Variants in SH3GL2 observed in about 807,000 individuals in gnomAD.
SH3GL2 encodes endophilin-A1.
SH3GL2 carries 24 observed loss-of-function variants against 46.0 expected under a neutral mutation model. The ratio of observed to expected loss-of-function variants is 0.52; its 90% CI spans 0.38 to 0.73. SH3GL2 has a LOEUF of 0.73. SH3GL2 is among the 30% of genes least tolerant of loss of function. SH3GL2 has a pLI of 0.00. For missense variants in SH3GL2, 413 were observed against 424.2 expected (o/e 0.97, Z 0.23); for synonymous variants, 196 against 147.1 (o/e 1.33, Z -2.40).
intron 1 of SH3GL2, among the ~76,000 whole-genome samples, chr9:17,688,977 G>T (rs1048318856): frequency 6.6e-6 from 1 of 152,052 alleles, no homozygotes; most frequent in South Asian, 2.1e-4. Context: ...AGAATGGAGA[G>T]GGGGTGCAGT....
chr9:17,743,601 C>CACACACACACACA (rs1554645790), intron 1 of SH3GL2, among the ~76,000 whole-genome samples: 18 of 145,708 alleles, frequency 1.2e-4, no homozygotes, highest in South Asian at 6.4e-4. Flanking sequence ...CACACACACA[C>CACACACACACACA]CCCAAATAGT....
chr9:17,783,408 A>G (rs1362669973), intron 3 of SH3GL2, among the ~76,000 whole-genome samples: 1 of 151,470 alleles, frequency 6.6e-6, no homozygotes, highest in Non-Finnish European at 1.5e-5. Flanking sequence ...GCTGTAGGAC[A>G]GACCAGGCAG....
intron 1 of SH3GL2, among the ~76,000 whole-genome samples, chr9:17,619,415 C>T (rs1194418147): frequency 3.3e-5 from 5 of 152,182 alleles, no homozygotes; most frequent in East Asian, 3.9e-4. Context: ...TGGTGGCTCA[C>T]GCCTGTAATC....
chr9:17,727,113 G>A (rs530273928), intron 1 of SH3GL2, among the ~76,000 whole-genome samples: 12 of 152,272 alleles, frequency 7.9e-5, no homozygotes, highest in African/African-American at 2.6e-4. Context: ...ACTTACAGTG[G>A]AACACGATGC....
chr9:17,608,660 G>A (rs1818804818), intron 1 of SH3GL2, among the ~76,000 whole-genome samples: 2 of 152,140 alleles, frequency 1.3e-5, no homozygotes, highest in Admixed American at 1.3e-4. Flanking sequence ...TTTGAGAGTT[G>A]CAGATGCTTT....
chr9:17,660,196 G>C (rs930256030), intron 1 of SH3GL2, among the ~76,000 whole-genome samples: 1 of 151,212 alleles, frequency 6.6e-6, no homozygotes, highest in Non-Finnish European at 1.5e-5. Context: ...GGCCAGGGCT[G>C]TGTTAAATTT....
At chr9:17,618,459 A>G (rs913905199) in intron 1 of SH3GL2, among the ~76,000 whole-genome samples, 2 of 152,224 alleles carry the variant, frequency 1.3e-5, no homozygotes, top group South Asian at 2.1e-4. Flanking sequence ...ATTTGATAAT[A>G]GTAAACTCAT....
intron 3 of SH3GL2, among the ~76,000 whole-genome samples, chr9:17,783,769 G>A (rs114537324): frequency 6.6e-6 from 1 of 152,038 alleles, no homozygotes; most frequent in East Asian, 1.9e-4. Context: ...TTCCTTCTGG[G>A]AATCACCTAG....
At chr9:17,736,952 C>G (rs924893142) in intron 1 of SH3GL2, among the ~76,000 whole-genome samples, 3 of 152,134 alleles carry the variant, frequency 2.0e-5, no homozygotes, top group East Asian at 1.9e-4. Flanking sequence ...GGAACCAACC[C>G]AAATGCCCAT....
chr9:17,790,513 G>A (rs1429564243), intron 6 of SH3GL2: 2 of 540,354 alleles, frequency 3.7e-6, no homozygotes, highest in Non-Finnish European at 4.7e-6. Context: ...CTAACTCCTC[G>A]AGAGGAATAC....
intron 1 of SH3GL2, among the ~76,000 whole-genome samples, chr9:17,649,822 G>A (rs904765985): frequency 3.9e-5 from 6 of 152,106 alleles, no homozygotes; most frequent in East Asian, 1.9e-4. Flanking sequence ...GCAGATAAAC[G>A]TGTCAAACCA....
intron 3 of SH3GL2, among the ~76,000 whole-genome samples, chr9:17,775,391 T>G (rs1011023583): frequency 3.8e-4 from 58 of 152,208 alleles, no homozygotes; most frequent in Non-Finnish European, 7.5e-4. Flanking sequence ...CTAACATTTT[T>G]CTGTACTTCA....
In SH3GL2 at chr9:17,620,948, A is replaced by G. The variant is rs562717467; in HGVS notation, c.45+41661A>G. On this transcript the variant is annotated intron_variant, in intron 1 of 8. Transcript: ENST00000380607. Reference sequence around the variant, plus strand: ...TGAAGCTCACCAAATATACCCTGGTAGTTTAGTTATCAGAAAATGAGTTTT... The same window carrying G: ...TGAAGCTCACCAAATATACCCTGGTGGTTTAGTTATCAGAAAATGAGTTTT... Among the ~76,000 whole-genome samples, 6 of 152,332 alleles carry G rather than the reference A, an allele frequency of 3.9e-5. No individual in the cohort carries two copies. In the South Asian group the frequency reaches 1.2e-3, roughly 32 times the overall value.
In SH3GL2 at chr9:17,579,114, C is replaced by G. The variant is rs1281322171; in HGVS notation, c.-129C>G. 7 of 554,214 alleles carry G rather than the reference C, an allele frequency of 1.3e-5. No homozygotes were observed. Among genetic ancestry groups the G allele is most frequent in the African/African-American group, 4.1e-5 (2 of 49,342 alleles). The allele number at this position is 554,214 out of a possible 1,614,324, so 34.3% of individuals were successfully genotyped here. On this transcript the variant is annotated 5_prime_UTR_variant, in exon 1 of 9. Transcript: ENST00000380607. Reference sequence around the variant, plus strand: ...CCCGTGTCCCGCTAGGCTCCGCGCCCTCGCGCCCATAGCCCCGGCGGCGGC... The same window carrying G: ...CCCGTGTCCCGCTAGGCTCCGCGCCGTCGCGCCCATAGCCCCGGCGGCGGC...
At chr9:17,710,997 GTC>G (rs1209412763) in intron 1 of SH3GL2, among the ~76,000 whole-genome samples, 1 of 151,924 alleles carries the variant, frequency 6.6e-6, no homozygotes, top group African/African-American at 2.4e-5. Flanking sequence ...TTCATTCTCT[GTC>G]TCTCGCTCTC....
At chr9:17,708,042 C>T (rs3808695) in intron 1 of SH3GL2, among the ~76,000 whole-genome samples, 3,815 of 152,092 alleles carry the variant, frequency 0.025, 120 homozygotes, top group East Asian at 0.1. Context: ...TTCAGCAAGT[C>T]CTTATCTCTC....
At chr9:17,766,780 G>C (rs899884777) in intron 3 of SH3GL2, among the ~76,000 whole-genome samples, 3 of 151,972 alleles carry the variant, frequency 2.0e-5, no homozygotes, top group Non-Finnish European at 2.9e-5. Context: ...GTGGCCAGTG[G>C]TGCCCGTAAT....
At chr9:17,739,417 T>C (rs1822457999) in intron 1 of SH3GL2, among the ~76,000 whole-genome samples, 1 of 152,116 alleles carries the variant, frequency 6.6e-6, no homozygotes, top group African/African-American at 2.4e-5. Flanking sequence ...GAGTCTGTTA[T>C]TAGCAGATAC....
chr9:17,707,333 G>C (rs529858219), intron 1 of SH3GL2, among the ~76,000 whole-genome samples: 1 of 152,082 alleles, frequency 6.6e-6, no homozygotes, highest in Middle Eastern at 3.4e-3. Flanking sequence ...GGGTCATACA[G>C]AACACGGTTG....
Sources: gnomAD v4.1 joint callset for allele counts (sites outside exome capture counted in the v4.1 genomes callset) on GRCh38, gnomAD v4.1.1 for gene constraint, MANE v1.5 for transcripts, NCBI Gene and HGNC (gene_info 2026-07-23, HGNC 2026-07-21) for gene names.